Variants in WWOX observed in about 807,000 individuals in gnomAD.
WWOX encodes WW domain containing oxidoreductase, also known as WW domain-containing oxidoreductase.
WWOX carries 69 observed loss-of-function variants against 46.2 expected under a neutral mutation model. The observed-to-expected ratio is 1.49, with a 90% CI of 1.23 to 1.82. The LOEUF is 1.82. Ranked by LOEUF, WWOX falls within the 40% of genes most tolerant of loss-of-function variation. The pLI, the probability that WWOX is intolerant of heterozygous loss-of-function variation, is 0.00. For missense variants in WWOX, 919 were observed against 542.6 expected, an observed-to-expected ratio of 1.69 and a Z score of -6.89; for synonymous variants, 359 against 202.6, an observed-to-expected ratio of 1.77 and a Z score of -6.56.
At chr16:78,953,186 C>G (rs148787793) in intron 8 of WWOX, among the ~76,000 whole-genome samples, 21 of 152,078 alleles carry the variant, frequency 1.4e-4, no homozygotes, top group African/African-American at 4.1e-4. Context: ...TCTGACCAGG[C>G]AGGATAACTA....
chr16:78,162,343 T>G (rs1390743881), intron 4 of WWOX, among the ~76,000 whole-genome samples: 3 of 152,168 alleles, frequency 2.0e-5, no homozygotes, highest in Non-Finnish European at 4.4e-5. Context: ...CTATCTGCAG[T>G]TTTTAGCAGT....
chr16:79,055,538 C>G (rs912356529), intron 8 of WWOX, among the ~76,000 whole-genome samples: 3 of 152,104 alleles, frequency 2.0e-5, no homozygotes, highest in African/African-American at 7.2e-5. Flanking sequence ...ATTTGAGGCC[C>G]TAGATACTGA....
chr16:78,463,205 G>C (rs780777201), intron 8 of WWOX, among the ~76,000 whole-genome samples: 1 of 152,208 alleles, frequency 6.6e-6, no homozygotes, highest in East Asian at 1.9e-4. Flanking sequence ...TTATACACTT[G>C]AGCTTGGCAT....
At chr16:78,561,061 A>G (rs1442724475) in intron 8 of WWOX, among the ~76,000 whole-genome samples, 4 of 152,180 alleles carry the variant, frequency 2.6e-5, no homozygotes, top group Admixed American at 1.3e-4. Flanking sequence ...GGAAGAATCC[A>G]CTGCCAAGCT....
intron 5 of WWOX, among the ~76,000 whole-genome samples, chr16:78,378,130 CTA>C (rs1194927442): frequency 6.0e-5 from 9 of 151,116 alleles, no homozygotes; most frequent in African/African-American, 2.2e-4. Context: ...TGCCCCCTGC[CTA>C]AAAAAAAGGA....
In WWOX at chr16:78,693,490, A is replaced by G. The variant is rs1313668800; in HGVS notation, c.1056+260738A>G. On this transcript the variant is annotated intron_variant, in intron 8 of 8. Transcript: ENST00000566780. ...TTTTTCCACATAATCCCTAACCATG[A>G]TAATACAAATATAATAGAAATAATT... is the stretch of plus-strand genomic sequence containing the variant. Among the ~76,000 whole-genome samples the G allele has an allele frequency of 2.6e-5, 4 of 152,190 alleles. No individual in the cohort carries two copies. In the East Asian group the frequency reaches 7.7e-4, roughly 29 times the overall value.
At position 78,817,904 on chromosome 16, in the gene WWOX, G is replaced by A. The variant is rs527687092; in HGVS notation, c.1056+385152G>A. ...TTAGAAATGAGAAACCATCTCATTG[G>A]GCTTTCCAGGAAGGAGACTCTGAGT... is the stretch of plus-strand genomic sequence containing the variant. On this transcript the variant is annotated intron_variant, in intron 8 of 8. Coordinates refer to ENST00000566780, the MANE Select transcript of WWOX (RefSeq NM_016373.4). Among the ~76,000 whole-genome samples, 4 of 152,278 alleles carry A rather than the reference G, an allele frequency of 2.6e-5. No homozygotes were observed. The South Asian group carries it at 8.3e-4, about 32-fold the overall frequency.
chr16:78,575,025 AT>A (rs2044826647), intron 8 of WWOX, among the ~76,000 whole-genome samples: 1 of 1,632 alleles, frequency 6.1e-4, no homozygotes, highest in East Asian at 0.019. Context: ...ATATATAAAT[AT>A]ATATATATAT....
chr16:79,123,340 T>G (rs2049679618), intron 8 of WWOX, among the ~76,000 whole-genome samples: 2 of 152,172 alleles, frequency 1.3e-5, no homozygotes, highest in African/African-American at 4.8e-5. Flanking sequence ...CATAAAATAC[T>G]GCACATCTTG....
chr16:78,386,601 C>A (rs192707247), intron 5 of WWOX, among the ~76,000 whole-genome samples: 4 of 151,888 alleles, frequency 2.6e-5, no homozygotes, highest in African/African-American at 9.7e-5. Context: ...CTCTTTTGCG[C>A]GGCTGAAACA....
chr16:78,858,309 A>G (rs2052616363), intron 8 of WWOX, among the ~76,000 whole-genome samples: 1 of 146,604 alleles, frequency 6.8e-6, no homozygotes, highest in Admixed American at 6.9e-5. Flanking sequence ...TGCTGTACCC[A>G]ATATGTAGTC....
intron 5 of WWOX, among the ~76,000 whole-genome samples, chr16:78,170,451 A>G (rs1185844614): frequency 6.6e-6 from 1 of 152,196 alleles, no homozygotes; most frequent in Non-Finnish European, 1.5e-5. Flanking sequence ...AACAATAATA[A>G]TATTTTCTTC....
At chr16:78,484,566 C>T (rs1371482808) in intron 8 of WWOX, among the ~76,000 whole-genome samples, 1 of 152,196 alleles carries the variant, frequency 6.6e-6, no homozygotes, top group East Asian at 1.9e-4. Flanking sequence ...ATCACGTATA[C>T]TTAAGCAGAA....
At chr16:78,787,976 A>C (rs2050497626) in intron 8 of WWOX, among the ~76,000 whole-genome samples, 1 of 152,156 alleles carries the variant, frequency 6.6e-6, no homozygotes, top group African/African-American at 2.4e-5. Flanking sequence ...TCCTTTGCCC[A>C]GTTTTTAACT....
At chr16:78,323,310 T>G (rs2080530652) in intron 5 of WWOX, among the ~76,000 whole-genome samples, 7 of 152,120 alleles carry the variant, frequency 4.6e-5, no homozygotes, top group Admixed American at 3.3e-4. Context: ...TTTCACCATG[T>G]TAGCCAGGAT....
intron 8 of WWOX, among the ~76,000 whole-genome samples, chr16:78,707,343 A>G (rs1480085892): frequency 6.6e-6 from 1 of 152,204 alleles, no homozygotes; most frequent in Non-Finnish European, 1.5e-5. Flanking sequence ...ATAGGGAAAG[A>G]AGTGTGCAAG....
intron 8 of WWOX, among the ~76,000 whole-genome samples, chr16:78,901,396 C>CT (rs1404251465): frequency 1.3e-5 from 2 of 152,180 alleles, no homozygotes; most frequent in Non-Finnish European, 2.9e-5. Context: ...AATTCTTTCT[C>CT]TTTTTTTCCT....
At chr16:78,112,970 C>T (rs1421385983) in intron 3 of WWOX, among the ~76,000 whole-genome samples, 1 of 152,090 alleles carries the variant, frequency 6.6e-6, no homozygotes, top group African/African-American at 2.4e-5. Flanking sequence ...CTTCCCAAAG[C>T]ATTCATATTA....
intron 4 of WWOX, chr16:78,124,240 G>C (rs1188962492): frequency 6.6e-6 from 1 of 151,690 alleles, no homozygotes; most frequent in Non-Finnish European, 1.5e-5. Context: ...GAATATACTT[G>C]TAACATTGCA....
Sources: allele counts gnomAD v4.1 joint callset (sites outside exome capture counted in the v4.1 genomes callset), GRCh38; gene constraint gnomAD v4.1.1; transcripts MANE v1.5; gene names NCBI Gene and HGNC (gene_info 2026-07-23, HGNC 2026-07-21).